ITGB3BP: variants seen among roughly 807,000 people sequenced by gnomAD.
The protein encoded by ITGB3BP is centromere protein R.
In ITGB3BP, 27 loss-of-function variants were observed where a neutral mutation model predicts 29.1. That is an observed-to-expected ratio of 0.93 (90% CI 0.68 to 1.28). ITGB3BP has a LOEUF of 1.28. Among genes scored for constraint, ITGB3BP ranks in the 50% most tolerant of loss-of-function variants. The pLI is 0.00. For missense variants in ITGB3BP, 192 were observed against 200.2 expected (o/e 0.96, Z 0.25); for synonymous variants, 61 against 61.4 (o/e 0.99, Z 0.03).
At chr1:63,498,771 G>C (rs1256645785) in intron 2 of ITGB3BP, among the ~76,000 whole-genome samples, 1 of 150,224 alleles carries the variant, frequency 6.7e-6, no homozygotes, top group Non-Finnish European at 1.5e-5. Context: ...CCAATAGTCA[G>C]TATTTTGAGA....
chr1:63,483,248 A>G lies in ITGB3BP; in HGVS notation c.185-4415T>C, dbSNP rs568674964. ...ACCTTGTCATATTTAAAAGCTGAAA[A>G]GTATTTAAAAGCATAAGCCCTTCCA... On this transcript the variant is annotated intron_variant, in intron 3 of 8. Transcript: ENST00000271002. Among the ~76,000 whole-genome samples the G allele has an allele frequency of 1.1e-4, 16 of 152,326 alleles. No homozygotes were observed. In the East Asian group the frequency reaches 2.7e-3, roughly 26 times the overall value.
intron 1 of ITGB3BP, among the ~76,000 whole-genome samples, chr1:63,510,922 C>T (rs1057482299): frequency 6.6e-5 from 10 of 151,918 alleles, no homozygotes; most frequent in Admixed American, 3.3e-4. Context: ...ATAGAAGAGA[C>T]GGATGAAACA....
intron 4 of ITGB3BP, among the ~76,000 whole-genome samples, chr1:63,469,839 C>G (rs917281835): frequency 1.3e-5 from 2 of 152,226 alleles, no homozygotes; most frequent in Non-Finnish European, 2.9e-5. Flanking sequence ...TGGCCCTAAA[C>G]TGGCCATAAA....
chr1:63,473,560 G>C (rs568798819), intron 4 of ITGB3BP, among the ~76,000 whole-genome samples: 2 of 129,218 alleles, frequency 1.5e-5, no homozygotes, highest in South Asian at 5.4e-4. Context: ...GCCCCATCTG[G>C]GAGGGGGGAG....
intron 4 of ITGB3BP, among the ~76,000 whole-genome samples, chr1:63,473,392 A>G: frequency 7.8e-6 from 1 of 128,780 alleles, no homozygotes; most frequent in African/African-American, 3.1e-5. Context: ...CCGGGAGGTG[A>G]GGGGCTCCTC....
At chr1:63,506,908 A>G (rs1269938382) in intron 2 of ITGB3BP, among the ~76,000 whole-genome samples, 1 of 152,210 alleles carries the variant, frequency 6.6e-6, no homozygotes, top group Non-Finnish European at 1.5e-5. Context: ...TTCCTTTTGC[A>G]TGGGCTAAGG....
intron 7 of ITGB3BP, among the ~76,000 whole-genome samples, chr1:63,448,638 C>A (rs1644821656): frequency 6.6e-6 from 1 of 151,776 alleles, no homozygotes; most frequent in South Asian, 2.1e-4. Context: ...TTTGACTACT[C>A]TGAGAGTAAA....
intron 2 of ITGB3BP, among the ~76,000 whole-genome samples, chr1:63,495,620 A>G (rs537324864): frequency 7.0e-6 from 1 of 142,018 alleles, no homozygotes; most frequent in African/African-American, 2.6e-5. Context: ...TGGCACTGCC[A>G]TGTATCTCAG....
chr1:63,479,456 G>A (rs6588040), intron 3 of ITGB3BP, among the ~76,000 whole-genome samples: 59,923 of 151,918 alleles, frequency 0.39, 13,572 homozygotes, highest in Non-Finnish European at 0.52. Flanking sequence ...TTTATGGTAT[G>A]AACACTGAAA....
At chr1:63,512,879 T>C (rs919906190) in intron 1 of ITGB3BP, among the ~76,000 whole-genome samples, 1 of 152,230 alleles carries the variant, frequency 6.6e-6, no homozygotes, top group Non-Finnish European at 1.5e-5. Flanking sequence ...CAAATTCACA[T>C]TCCATGTGAC....
chr1:63,443,214 A>G (rs573094804), intron 8 of ITGB3BP: 1 of 152,358 alleles, frequency 6.6e-6, no homozygotes, highest in South Asian at 2.1e-4. Context: ...TAAGGACAAA[A>G]TCAGGAGTTT....
At chr1:63,516,248 A>AACTGCACC (rs1646317764) in intron 1 of ITGB3BP, among the ~76,000 whole-genome samples, 1 of 146,722 alleles carries the variant, frequency 6.8e-6, no homozygotes, top group Non-Finnish European at 1.5e-5. Flanking sequence ...GTGGTGAGCA[A>AACTGCACC]ACTGCACCAC....
intron 8 of ITGB3BP, among the ~76,000 whole-genome samples, chr1:63,446,284 TATA>T (rs1423178475): frequency 6.6e-6 from 1 of 152,246 alleles, no homozygotes; most frequent in Non-Finnish European, 1.5e-5. Context: ...GCTTATTTGT[TATA>T]ATAAGCTATT....
At chr1:63,473,346 C>A (rs796176498) in intron 4 of ITGB3BP, among the ~76,000 whole-genome samples, 4 of 130,524 alleles carry the variant, frequency 3.1e-5, no homozygotes, top group African/African-American at 5.8e-5. Flanking sequence ...AGGGAGGTGG[C>A]GGGGGGTCAG....
chr1:63,460,777 A>C lies in ITGB3BP; in HGVS notation c.255-5809T>G, dbSNP rs142798529. 5.3e-5 allele frequency among the ~76,000 whole-genome samples: 8 copies of C among 152,282 alleles called. No individual in the cohort carries two copies. In the East Asian group the frequency reaches 1.5e-3, roughly 29 times the overall value. On this transcript the variant is annotated intron_variant, in intron 4 of 8. Transcript: ENST00000271002. Reference sequence around the variant, plus strand: ...TTTTAATTTCTCTATATCCTTGCCAATATTTGTTATTTTCCATTTTTATTG... The same window carrying C: ...TTTTAATTTCTCTATATCCTTGCCACTATTTGTTATTTTCCATTTTTATTG...
At chr1:63,513,556 A>G (rs1646246625) in intron 1 of ITGB3BP, among the ~76,000 whole-genome samples, 1 of 152,178 alleles carries the variant, frequency 6.6e-6, no homozygotes, top group Non-Finnish European at 1.5e-5. Context: ...TGGGCACTAA[A>G]TGTGTTCACT....
intron 1 of ITGB3BP, among the ~76,000 whole-genome samples, chr1:63,514,289 A>C (rs181138567): frequency 1.3e-5 from 2 of 152,288 alleles, no homozygotes; most frequent in African/African-American, 4.8e-5. Context: ...TTTAGTTTTT[A>C]GCCATTATGA....
At chr1:63,501,069 C>T (rs895536904) in intron 2 of ITGB3BP, among the ~76,000 whole-genome samples, 1 of 152,122 alleles carries the variant, frequency 6.6e-6, no homozygotes, top group Admixed American at 6.5e-5. Flanking sequence ...AAAAAATAGT[C>T]GTTTCAGCAA....
intron 4 of ITGB3BP, among the ~76,000 whole-genome samples, chr1:63,475,966 C>T (rs1476321467): frequency 6.8e-6 from 1 of 146,816 alleles, no homozygotes; most frequent in Non-Finnish European, 1.5e-5. Flanking sequence ...TCATTGCATT[C>T]CAGACTGGGT....
Sources: allele counts gnomAD v4.1 joint callset (sites outside exome capture counted in the v4.1 genomes callset), GRCh38; gene constraint gnomAD v4.1.1; transcripts MANE v1.5; gene names NCBI Gene and HGNC (gene_info 2026-07-23, HGNC 2026-07-21).